The following VAC14 variants were observed in gnomAD, a reference collection of about 807,000 sequenced individuals.
VAC14 encodes VAC14 component of PIKFYVE complex, also known as protein VAC14 homolog.
Under a neutral mutation model 85.3 loss-of-function variants are expected in VAC14, and 47 were observed. That is an observed-to-expected ratio of 0.55 (90% CI 0.44 to 0.70). The LOEUF (loss-of-function observed/expected upper bound fraction) is 0.70. Among genes scored for constraint, VAC14 ranks in the 30% least tolerant of loss-of-function variants. VAC14 has a pLI of 0.00. For synonymous variants in VAC14, 447 were observed against 430.5 expected (o/e 1.04, Z -0.47); for missense variants, 861 against 1,004.3 (o/e 0.86, Z 1.93).
At chr16:70,772,774 C>T (rs994214949) in intron 9 of VAC14, 2 of 152,376 alleles carry the variant, frequency 1.3e-5, no homozygotes, top group East Asian at 1.9e-4. Context: ...CCTTGTATAT[C>T]AATCATGTTC....
intron 1 of VAC14, among the ~76,000 whole-genome samples, chr16:70,796,816 T>C (rs1374698569): frequency 1.3e-5 from 2 of 152,238 alleles, no homozygotes; most frequent in Non-Finnish European, 2.9e-5. Flanking sequence ...GATTCATATA[T>C]TGAAGTTCTG....
intron 14 of VAC14, among the ~76,000 whole-genome samples, chr16:70,701,952 G>A (rs75243260): frequency 0.044 from 6,756 of 152,216 alleles, 146 homozygotes; most frequent in East Asian, 0.092. Flanking sequence ...CCCAGACATC[G>A]AGGCCTGGGC....
Position 70,762,782 on chromosome 16 carries a change from AGAAGGGCAATGACCAAAATGCTACCAAC to A in VAC14, c.1305+71_1305+98del. On this transcript the variant is annotated intron_variant, in intron 11 of 18. Transcript: ENST00000261776. This position sits in a 1 kb window ranked among gnomAD's most constrained non-coding sequence, Gnocchi z 4.1. Reference sequence around the variant, plus strand: ...CTTCTCTGCCGGCCAGGGTTTCCCTAGAAGGGCAATGACCAAAATGCTACCAACTATGGGCAGGCCCTGGAAAACCAAG... The same window carrying A: ...CTTCTCTGCCGGCCAGGGTTTCCCTATATGGGCAGGCCCTGGAAAACCAAG... The A allele has an allele frequency of 1.3e-6, 2 of 1,576,058 alleles. No homozygotes were observed. The highest frequency in any genetic ancestry group is 1.7e-6 in the Non-Finnish European group (2 of 1,155,396).
At chr16:70,745,319 G>A (rs2030761712) in intron 12 of VAC14, among the ~76,000 whole-genome samples, 1 of 152,166 alleles carries the variant, frequency 6.6e-6, no homozygotes, top group Non-Finnish European at 1.5e-5. Flanking sequence ...TGTCCCCAGG[G>A]CTGCTCTACA....
chr16:70,697,159 G>C lies in VAC14; in HGVS notation c.1935C>G (p.Ala645=). The change falls in exon 16 of 19, where the codon GCC becomes GCG. Residue 645 remains alanine (A), a synonymous_variant. Coordinates refer to ENST00000261776, the MANE Select transcript of VAC14 (RefSeq NM_018052.5). The part of the protein sequence containing the change: ...LCFLTQNYRH[A]YDLIQKFGDL... ...GATACAACTTCTGGATGAGGTCATA[G>C]GCGTGCCGGTAGTTCTGGGTGAGGA... The C allele has an allele frequency of 6.2e-7, 1 of 1,613,788 alleles. No homozygotes were observed. Among genetic ancestry groups the C allele is most frequent in the African/African-American group, 1.3e-5 (1 of 75,068 alleles).
chr16:70,800,954 G>T lies in VAC14; in HGVS notation c.-54C>A, dbSNP rs2034775825. On this transcript the variant is annotated 5_prime_UTR_variant, in exon 1 of 19. Coordinates refer to ENST00000261776, the MANE Select transcript of VAC14 (RefSeq NM_018052.5). ...CTTAGCCCGCGGCTGCCGGGGCCGCGCCGGGGCCAGGGGAGTCTGCGGCTC... is the reference window on the plus strand; with the variant it reads ...CTTAGCCCGCGGCTGCCGGGGCCGCTCCGGGGCCAGGGGAGTCTGCGGCTC... 7.2e-7 allele frequency: 1 copy of T among 1,396,868 alleles called. No individual in the cohort carries two copies. Among genetic ancestry groups the T allele is most frequent in the African/African-American group, 1.5e-5 (1 of 67,040 alleles). The allele number at this position is 1,396,868 out of a possible 1,614,324, so 86.5% of individuals were successfully genotyped here.
chr16:70,741,122 C>CCTCCAAGTT (rs1179253477), intron 13 of VAC14, among the ~76,000 whole-genome samples: 2 of 152,398 alleles, frequency 1.3e-5, no homozygotes, highest in South Asian at 2.1e-4. Context: ...AGCACTGCTG[C>CCTCCAAGTT]CTCCAAGTTC....
intron 10 of VAC14, chr16:70,771,029 C>A (rs1458699845): frequency 6.6e-6 from 1 of 152,124 alleles, no homozygotes; most frequent in Non-Finnish European, 1.5e-5. Flanking sequence ...TCTCCCAGGG[C>A]CCAGGTTCAC....
chr16:70,740,899 T>C (rs1394338778), intron 13 of VAC14, among the ~76,000 whole-genome samples: 1 of 152,222 alleles, frequency 6.6e-6, no homozygotes, highest in Non-Finnish European at 1.5e-5. Context: ...CGACTCTGCC[T>C]CGGGGGGCCC....
In VAC14 at chr16:70,761,195, C is replaced by T. The variant is rs551725955; in HGVS notation, c.1371+1345G>A. ...AAATTCAGGCTGCAGGACAGCTGCC[C>T]GGGCCCCCCACAAGCCTGGCACCAG... On this transcript the variant is annotated intron_variant, in intron 12 of 18. Transcript: ENST00000261776. 193 of 455,868 alleles carry T rather than the reference C, an allele frequency of 4.2e-4. 3 individuals are homozygous for T. The highest frequency in any genetic ancestry group is 1.8e-3 in the South Asian group (115 of 64,310). 28.2% of individuals were successfully genotyped at this position (455,868 alleles called of 1,614,324 possible). A position where few individuals can be genotyped will look rare whatever the true frequency, so the allele number is the denominator to read the frequency against.
intron 14 of VAC14, chr16:70,717,004 G>C (rs906230873): frequency 4.6e-5 from 7 of 152,192 alleles, no homozygotes; most frequent in African/African-American, 1.7e-4. Flanking sequence ...CCCTTGGTAG[G>C]GCCTACTTCA....
intron 9 of VAC14, chr16:70,772,472 CAG>C (rs2033289725): frequency 6.1e-6 from 2 of 329,848 alleles, no homozygotes; most frequent in Non-Finnish European, 1.1e-5. Flanking sequence ...TTTAAAATGA[CAG>C]ATAATACCCA....
At chr16:70,770,069 C>A (rs1282695650) in intron 10 of VAC14, 1 of 152,542 alleles carries the variant, frequency 6.6e-6, no homozygotes, top group Non-Finnish European at 1.5e-5. Flanking sequence ...CTCCCCCTTT[C>A]TCCTGGGATG....
intron 1 of VAC14, 41 bp from the exon 2 acceptor site, chr16:70,786,406 C>G (rs199710545): frequency 6.2e-7 from 1 of 1,601,920 alleles, no homozygotes; most frequent in African/African-American, 1.3e-5. Context: ...ATCAGGCTAC[C>G]TCTGCTGTGG....
intron 14 of VAC14, among the ~76,000 whole-genome samples, chr16:70,717,150 G>A (rs2054183955): frequency 6.6e-6 from 1 of 152,260 alleles, no homozygotes; most frequent in Non-Finnish European, 1.5e-5. Flanking sequence ...GTGTCTGAGG[G>A]TGGGCACCCG....
At chr16:70,743,703 C>T (rs992235019) in intron 13 of VAC14, among the ~76,000 whole-genome samples, 5 of 152,230 alleles carry the variant, frequency 3.3e-5, no homozygotes, top group Non-Finnish European at 5.9e-5. Context: ...ATTCCGGACA[C>T]AAAAGCATGG....
chr16:70,728,103 CCTT>C (rs1267119739), intron 14 of VAC14, among the ~76,000 whole-genome samples: 2 of 152,216 alleles, frequency 1.3e-5, no homozygotes, highest in Non-Finnish European at 2.9e-5. Context: ...GGCTAAGAGA[CCTT>C]CTGTGGCTGT....
rs771467598 is a variant in VAC14, at chr16:70,783,562, G to A, written c.595-8C>T. 1.2e-6 allele frequency: 2 copies of A among 1,613,018 alleles called. No individual in the cohort carries two copies. Among genetic ancestry groups the A allele is most frequent in the Non-Finnish European group, 1.7e-6 (2 of 1,179,868 alleles). On this transcript the variant is annotated splice_region_variant and splice_polypyrimidine_tract_variant and intron_variant, in intron 5 of 18. Coordinates refer to ENST00000261776, the MANE Select transcript of VAC14 (RefSeq NM_018052.5). ...CGACTCCAGAACCAGGATCTGACCA[G>A]GGGAAGGGAACAGGAGGGGAAGTCA...
chr16:70,689,157 T>C, intron 18 of VAC14: 4 of 976,398 alleles, frequency 4.1e-6, no homozygotes, highest in Non-Finnish European at 4.9e-6. Context: ...CGGTGTGACT[T>C]GAGCATGTGA....
Sources: allele counts gnomAD v4.1 joint callset (sites outside exome capture counted in the v4.1 genomes callset), GRCh38; gene constraint gnomAD v4.1.1; non-coding constraint Gnocchi (gnomAD v3.1); transcripts MANE v1.5; gene names NCBI Gene and HGNC (gene_info 2026-07-23, HGNC 2026-07-21).